Variants in POFUT3 observed in about 807,000 individuals in gnomAD.
The protein encoded by POFUT3 is protein O-fucosyltransferase 3.
chr8:33,318,500 T>C, the POFUT3 span, among the ~76,000 whole-genome samples: 1 of 107,056 alleles, frequency 9.3e-6, no homozygotes, highest in African/African-American at 4.7e-5. Context: ...ACATATATTA[T>C]AATATAATAT....
chr8:33,314,105 C>T, the POFUT3 span, among the ~76,000 whole-genome samples: 1 of 152,150 alleles, frequency 6.6e-6, no homozygotes, highest in Non-Finnish European at 1.5e-5. Flanking sequence ...GCTGAGTTAT[C>T]ATCGGCCTAT....
the POFUT3 span, among the ~76,000 whole-genome samples, chr8:33,322,985 C>A: frequency 6.6e-6 from 1 of 151,878 alleles, no homozygotes; most frequent in South Asian, 2.1e-4. Flanking sequence ...GCCACCCAAG[C>A]TTATCTTAGT....
At chr8:33,423,818 T>TAA in the POFUT3 span, among the ~76,000 whole-genome samples, 5,842 of 70,054 alleles carry the variant, frequency 0.083, 1,408 homozygotes, top group African/African-American at 0.21. Context: ...GCACACCAAG[T>TAA]AAAAAAAAAA....
chr8:33,332,840 AT>A, the POFUT3 span, among the ~76,000 whole-genome samples: 2 of 151,992 alleles, frequency 1.3e-5, no homozygotes, highest in African/African-American at 4.8e-5. Context: ...CAACTCCCCC[AT>A]TTTCCAAGTC....
chr8:33,423,818 TAAAAAA>T, the POFUT3 span, among the ~76,000 whole-genome samples: 6,326 of 70,030 alleles, frequency 0.09, 186 homozygotes, highest in African/African-American at 0.16. Flanking sequence ...GCACACCAAG[TAAAAAA>T]AAAAAAAAAA....
At chr8:33,409,035 G>A in the POFUT3 span, among the ~76,000 whole-genome samples, 8 of 152,168 alleles carry the variant, frequency 5.3e-5, no homozygotes, top group African/African-American at 4.8e-5. Flanking sequence ...TAGGGATGTC[G>A]TTGGTGGGAT....
At chr8:33,365,409 G>A in the POFUT3 span, among the ~76,000 whole-genome samples, 1 of 152,166 alleles carries the variant, frequency 6.6e-6, no homozygotes, top group Admixed American at 6.5e-5. Flanking sequence ...ATAGACAAAT[G>A]GAATCTAATT....
the POFUT3 span, among the ~76,000 whole-genome samples, chr8:33,472,885 C>A: frequency 6.6e-6 from 1 of 152,188 alleles, no homozygotes; most frequent in Non-Finnish European, 1.5e-5. Flanking sequence ...CACACCATTC[C>A]GTCTCTTACA....
chr8:33,419,415 G>A, the POFUT3 span, among the ~76,000 whole-genome samples: 2 of 152,152 alleles, frequency 1.3e-5, no homozygotes, highest in African/African-American at 4.8e-5. Flanking sequence ...TACTCACAAG[G>A]AGCAAGTAAT....
chr8:33,345,033 G>A, the POFUT3 span, among the ~76,000 whole-genome samples: 3 of 152,208 alleles, frequency 2.0e-5, no homozygotes, highest in Admixed American at 2.0e-4. Flanking sequence ...ATGCAACTGA[G>A]ACGGTGATAT....
At chr8:33,380,081 T>TAC in the POFUT3 span, among the ~76,000 whole-genome samples, 2 of 69,652 alleles carry the variant, frequency 2.9e-5, no homozygotes, top group Non-Finnish European at 4.9e-5. Context: ...ATATACACTA[T>TAC]ATATACTATA....
the POFUT3 span, among the ~76,000 whole-genome samples, chr8:33,354,209 A>G: frequency 1.1e-4 from 17 of 152,178 alleles, no homozygotes; most frequent in Non-Finnish European, 2.1e-4. Context: ...CTTCAGAGAA[A>G]CAGAACCGAT....
the POFUT3 span, among the ~76,000 whole-genome samples, chr8:33,355,537 T>C: frequency 6.6e-6 from 1 of 152,324 alleles, no homozygotes; most frequent in Middle Eastern, 3.4e-3. Flanking sequence ...TTAACCATCA[T>C]GCATTACCAT....
chr8:33,373,368 C>A, the POFUT3 span, among the ~76,000 whole-genome samples: 1 of 152,170 alleles, frequency 6.6e-6, no homozygotes, highest in Non-Finnish European at 1.5e-5. Context: ...TACAACTAAT[C>A]CCTGTTTTTA....
At chr8:33,461,705 TAAG>T in the POFUT3 span, 1 of 1,408,958 alleles carries the variant, frequency 7.1e-7, no homozygotes, top group East Asian at 2.8e-5. Flanking sequence ...TTTCTCCAAA[TAAG>T]AAGGAATCAA....
At chr8:33,467,720 T>C in the POFUT3 span, among the ~76,000 whole-genome samples, 1 of 152,192 alleles carries the variant, frequency 6.6e-6, no homozygotes, top group African/African-American at 2.4e-5. Context: ...CATCCTAAAA[T>C]AATTCCAAAT....
the POFUT3 span, among the ~76,000 whole-genome samples, chr8:33,324,294 TG>T: frequency 2.6e-4 from 39 of 152,136 alleles, no homozygotes; most frequent in Non-Finnish European, 4.6e-4. Context: ...ACATGGATAA[TG>T]GTGAGCAAAT....
chr8:33,382,185 G>A, the POFUT3 span, among the ~76,000 whole-genome samples: 4 of 152,076 alleles, frequency 2.6e-5, no homozygotes, highest in African/African-American at 9.6e-5. Flanking sequence ...CCAGCTACTC[G>A]GGAGTCTGAG....
At chr8:33,429,683 C>T in the POFUT3 span, among the ~76,000 whole-genome samples, 1 of 151,610 alleles carries the variant, frequency 6.6e-6, no homozygotes, top group East Asian at 1.9e-4. Context: ...AGGAGAAACA[C>T]TTGATCTTAA....
Sources: allele counts gnomAD v4.1 joint callset (sites outside exome capture counted in the v4.1 genomes callset), GRCh38; gene constraint gnomAD v4.1.1; transcripts MANE v1.5; gene names NCBI Gene and HGNC (gene_info 2026-07-23, HGNC 2026-07-21).